ADAM32: variants seen among roughly 807,000 people sequenced by gnomAD.
The protein encoded by ADAM32 is ADAM metallopeptidase domain 32.
Under a neutral mutation model 114.9 loss-of-function variants are expected in ADAM32, and 89 were observed. The ratio of observed to expected loss-of-function variants is 0.77; its 90% CI spans 0.65 to 0.92. The LOEUF (loss-of-function observed/expected upper bound fraction) is 0.92. Ranked by LOEUF, ADAM32 falls within the 40% of genes least tolerant of loss-of-function variation. ADAM32 has a pLI of 0.00. For synonymous variants in ADAM32, 285 were observed against 307.5 expected (o/e 0.93, Z 0.77); for missense variants, 870 against 932.8 (o/e 0.93, Z 0.88).
chr8:39,239,102 A>T (rs1455637454), intron 16 of ADAM32, among the ~76,000 whole-genome samples: 2 of 152,204 alleles, frequency 1.3e-5, no homozygotes, highest in African/African-American at 2.4e-5. Flanking sequence ...GAAGATCATC[A>T]TCTAGGCACA....
chr8:39,269,347 T>C (rs1448189833), intron 19 of ADAM32, among the ~76,000 whole-genome samples: 2 of 152,234 alleles, frequency 1.3e-5, no homozygotes, highest in Admixed American at 1.3e-4. Context: ...GTAGCCAATG[T>C]GTGAAATCAA....
chr8:39,138,615 A>G (rs1376913358), intron 3 of ADAM32, among the ~76,000 whole-genome samples: 2 of 152,168 alleles, frequency 1.3e-5, no homozygotes, highest in African/African-American at 2.4e-5. Context: ...ACTATTGTGA[A>G]TAGTGCCACA....
intron 10 of ADAM32, among the ~76,000 whole-genome samples, chr8:39,185,324 A>G (rs1039578021): frequency 3.5e-5 from 5 of 142,310 alleles, no homozygotes; most frequent in African/African-American, 1.1e-4. Context: ...GCACTATGCT[A>G]CTGTCATCTC....
intron 11 of ADAM32, among the ~76,000 whole-genome samples, chr8:39,190,697 T>A (rs1457443801): frequency 6.6e-6 from 1 of 152,276 alleles, no homozygotes; most frequent in African/African-American, 2.4e-5. Flanking sequence ...GCAATTTGTA[T>A]GTCTTCCTTT....
At chr8:39,116,315 A>AT (rs1840370872) in intron 1 of ADAM32, among the ~76,000 whole-genome samples, 1 of 152,188 alleles carries the variant, frequency 6.6e-6, no homozygotes, top group African/African-American at 2.4e-5. Flanking sequence ...GAATCTGTAA[A>AT]TTGCTTTGAG....
rs555391704 is a variant in ADAM32, at chr8:39,185,108, T to C, written c.916-1801T>C. Among the ~76,000 whole-genome samples, 4 of 152,108 alleles carry C rather than the reference T, an allele frequency of 2.6e-5. No individual in the cohort carries two copies. In the South Asian group the frequency reaches 8.3e-4, roughly 32 times the overall value. ...GGCAAAACCCAGTCTGTACTAAAAA[T>C]ACAAAAATTAGCCAGGCATAGTGGT... On this transcript the variant is annotated intron_variant, in intron 10 of 24. Coordinates refer to ENST00000379907, the MANE Select transcript of ADAM32 (RefSeq NM_145004.7).
chr8:39,180,456 C>T (rs1186044192), intron 10 of ADAM32, among the ~76,000 whole-genome samples: 1 of 152,240 alleles, frequency 6.6e-6, no homozygotes, highest in Non-Finnish European at 1.5e-5. Context: ...CCGACGAGCG[C>T]TGCCCCCTGC....
chr8:39,242,517 T>G (rs969193503), intron 16 of ADAM32, among the ~76,000 whole-genome samples: 4 of 152,210 alleles, frequency 2.6e-5, no homozygotes, highest in African/African-American at 9.6e-5. Flanking sequence ...AGATACATAT[T>G]AGCAGACAAG....
chr8:39,138,376 A>T (rs867362728), intron 3 of ADAM32, among the ~76,000 whole-genome samples: 1 of 141,360 alleles, frequency 7.1e-6, no homozygotes, highest in East Asian at 2.1e-4. Flanking sequence ...CCCTGTGTCC[A>T]TGTGTTCTCA....
At chr8:39,163,243 A>C (rs1307237937) in intron 7 of ADAM32, among the ~76,000 whole-genome samples, 1 of 152,218 alleles carries the variant, frequency 6.6e-6, no homozygotes, top group Non-Finnish European at 1.5e-5. Flanking sequence ...ACTCAGGTAT[A>C]TTGAAGCCAA....
chr8:39,180,372 C>T (rs1472590208), intron 10 of ADAM32, among the ~76,000 whole-genome samples: 1 of 152,226 alleles, frequency 6.6e-6, no homozygotes, highest in African/African-American at 2.4e-5. Flanking sequence ...CTCCGGACTG[C>T]AGCCCGCCAT....
At chr8:39,247,974 T>C (rs1420314894) in intron 17 of ADAM32, among the ~76,000 whole-genome samples, 1 of 152,164 alleles carries the variant, frequency 6.6e-6, no homozygotes, top group African/African-American at 2.4e-5. Context: ...TTGCTTTTGC[T>C]CCTTTGTCAG....
chr8:39,257,179 GT>G lies in ADAM32; in HGVS notation c.2006-3del. The G allele has an allele frequency of 1.4e-6, 2 of 1,434,370 alleles. No homozygotes were observed. The allele number at this position is 1,434,370 out of a possible 1,614,324, so 88.9% of individuals were successfully genotyped here. A position where few individuals can be genotyped will look rare whatever the true frequency, so the allele number is the denominator to read the frequency against. ...TTTGTTTTTTTTTTTTTGTATTTCT[GT>G]TTTTAGGTTCAATCATGGAAAGAGC... On this transcript the variant is annotated splice_polypyrimidine_tract_variant and splice_region_variant and intron_variant, in intron 18 of 24. Transcript: ENST00000379907.
At chr8:39,182,307 G>T (rs1190278617) in intron 10 of ADAM32, among the ~76,000 whole-genome samples, 3 of 152,118 alleles carry the variant, frequency 2.0e-5, no homozygotes, top group African/African-American at 4.8e-5. Context: ...AAACAGTAAA[G>T]CTCTGGAAGA....
At chr8:39,117,829 A>C in intron 1 of ADAM32, among the ~76,000 whole-genome samples, 1 of 151,902 alleles carries the variant, frequency 6.6e-6, no homozygotes, top group East Asian at 1.9e-4. Context: ...TATGTCTTTG[A>C]TTTTTTTGGT....
chr8:39,116,579 T>C (rs1190681059), intron 1 of ADAM32, among the ~76,000 whole-genome samples: 1 of 152,216 alleles, frequency 6.6e-6, no homozygotes, highest in Non-Finnish European at 1.5e-5. Context: ...TTTTTGTACA[T>C]TGATTTTGTA....
intron 14 of ADAM32, among the ~76,000 whole-genome samples, chr8:39,226,829 A>C (rs1205027857): frequency 1.3e-5 from 2 of 152,230 alleles, no homozygotes; most frequent in Non-Finnish European, 1.5e-5. Context: ...ATAAAAATAT[A>C]ACGTTCACTG....
chr8:39,284,120 A>C (rs955360002), intron 24 of ADAM32, among the ~76,000 whole-genome samples: 1 of 152,174 alleles, frequency 6.6e-6, no homozygotes, highest in African/African-American at 2.4e-5. Context: ...TCTTGTTACT[A>C]ATGAGTATTT....
rs1304014668 is a variant in ADAM32 at position 39,165,111 on chromosome 8, G to A, written c.748G>A (p.Glu250Lys). The stretch of plus-strand genomic sequence containing the variant: ...TGAAAATAAGATTTCTACAGTTGGT[G>A]AGGCAGATGAATTATTGCAAAAATT... ...SDENKISTVG[E>K]ADELLQKFLE... The change falls in exon 9 of 25, where the codon GAG (glutamate) becomes AAG (lysine). Residue 250 changes from glutamate (E) to lysine (K), a missense_variant. By Grantham distance (56) the Glu-to-Lys change is moderately conservative (BLOSUM62 1). Transcript: ENST00000379907. 1 of 1,609,388 alleles carries A rather than the reference G, an allele frequency of 6.2e-7. No homozygotes were observed. Among genetic ancestry groups the A allele is most frequent in the Non-Finnish European group, 8.5e-7 (1 of 1,176,822 alleles).
Sources: allele counts gnomAD v4.1 joint callset (sites outside exome capture counted in the v4.1 genomes callset), GRCh38; gene constraint gnomAD v4.1.1; transcripts MANE v1.5; gene names NCBI Gene and HGNC (gene_info 2026-07-23, HGNC 2026-07-21).